SPATA24: variants seen among roughly 807,000 people sequenced by gnomAD.
SPATA24 encodes the protein spermatogenesis-associated protein 24.
Under a neutral mutation model 28.9 loss-of-function variants are expected in SPATA24, and 21 were observed. The observed-to-expected ratio is 0.73, with a 90% CI of 0.52 to 1.05. The LOEUF is 1.05. SPATA24 is among the 50% of genes least tolerant of loss of function. The pLI is 0.00. For missense variants in SPATA24, 215 were observed against 242.9 expected (o/e 0.88, Z 0.76); for synonymous variants, 76 against 89.9 (o/e 0.85, Z 0.88).
downstream of SPATA24, chr5:139,395,152 C>G (rs771057901): frequency 7.4e-7 from 1 of 1,345,980 alleles, no homozygotes; most frequent in Middle Eastern, 2.8e-4. Flanking sequence ...CTGTCCCCGC[C>G]CCGCCCGAGG....
chr5:139,393,800 G>A, downstream of SPATA24: 1 of 1,551,318 alleles, frequency 6.4e-7, no homozygotes. Context: ...GGGAACAATG[G>A]GCTACTCACC....
At chr5:139,396,290 T>A (rs6596478), downstream of SPATA24, 2 of 985,474 alleles carry the variant, frequency 2.0e-6, no homozygotes. Context: ...TTGTGCAAAT[T>A]GAGGTCCCTT....
downstream of SPATA24, chr5:139,396,372 G>C: frequency 2.0e-6 from 2 of 985,430 alleles, no homozygotes; most frequent in Non-Finnish European, 2.4e-6. Flanking sequence ...TGAAGCTCCC[G>C]TTTGGGGGAG....
At chr5:139,394,873 C>A, downstream of SPATA24, 1 of 1,520,728 alleles carries the variant, frequency 6.6e-7, no homozygotes, top group South Asian at 1.2e-5. Context: ...GACGGACAGG[C>A]GAGGCTGCGC....
chr5:139,395,209 A>G (rs1382905999), downstream of SPATA24: 2 of 964,884 alleles, frequency 2.1e-6, no homozygotes, highest in African/African-American at 3.5e-5. Context: ...TCCACTCCTG[A>G]GCCAGCGGCG....
downstream of SPATA24, chr5:139,394,043 C>T (rs1209116861): frequency 6.4e-7 from 1 of 1,550,808 alleles, no homozygotes; most frequent in Non-Finnish European, 8.7e-7. Context: ...ATCTTCTCCT[C>T]TGACTGAAGG....
intron 1 of SPATA24, 28 bp from the exon 2 acceptor site, chr5:139,402,721 C>T: frequency 6.5e-7 from 1 of 1,548,268 alleles, no homozygotes; most frequent in South Asian, 1.2e-5. Flanking sequence ...TGAGGGAGGG[C>T]CTGGGGCTGG....
At chr5:139,394,372 A>C (rs866999509), downstream of SPATA24, 6 of 1,412,730 alleles carry the variant, frequency 4.2e-6, no homozygotes, top group Middle Eastern at 1.3e-3. Flanking sequence ...CGACTCGTCC[A>C]GGGAACCGGT....
chr5:139,392,635 G>A, downstream of SPATA24: 1 of 1,385,928 alleles, frequency 7.2e-7, no homozygotes, highest in Non-Finnish European at 9.3e-7. The surrounding 1 kb of genome is among the most constrained non-coding windows in gnomAD (Gnocchi z 5.8). Flanking sequence ...CTTCGGTTTG[G>A]GTGCTATCCC....
At chr5:139,394,931 T>C (rs2152077182), downstream of SPATA24, 2 of 1,520,294 alleles carry the variant, frequency 1.3e-6, no homozygotes, top group Non-Finnish European at 8.8e-7. Flanking sequence ...GCTGGGCCTT[T>C]CGCGTCCGGC....
downstream of SPATA24, chr5:139,395,164 TGCCGTGGGGGTCACC>T (rs1215608534): frequency 1.5e-6 from 2 of 1,309,662 alleles, no homozygotes; most frequent in Admixed American, 7.9e-5. Context: ...CGCCCGAGGA[TGCCGTGGGGGTCACC>T]GCGCCTTAAA....
chr5:139,401,780 C>A lies in SPATA24; in HGVS notation c.360G>T (p.Lys120Asn). 2 of 1,551,636 alleles carry A rather than the reference C, an allele frequency of 1.3e-6. No homozygotes were observed. The highest frequency in any genetic ancestry group is 8.7e-7 in the Non-Finnish European group (1 of 1,147,000). The change falls in exon 4 of 6, where the codon AAG becomes AAT. Residue 120 changes from lysine (K) to asparagine (N), a missense_variant. Coordinates refer to ENST00000450845, the MANE Select transcript of SPATA24 (RefSeq NM_194296.2). ...CATTGCACTTGGTGATGAGCTGGTC[C>A]TTCTTGCTGGACTCCTGAAGGACTT... ...KSKVLQESSK[K>N]DQLITKCNEI...
In SPATA24 at chr5:139,404,018, C is replaced by T. The variant is rs201105749; in HGVS notation, c.43G>A (p.Val15Met). 1.7e-4 allele frequency: 267 copies of T among 1,551,852 alleles called. No homozygotes were observed. Among genetic ancestry groups the T allele is most frequent in the Middle Eastern group, 1.7e-4 (1 of 6,016 alleles). Residue 15 changes from valine (V) to methionine (M), a missense_variant, in exon 1 of 6, where the codon GTG (valine) becomes ATG (methionine). By Grantham distance (21) the Val-to-Met change is conservative. Transcript: ENST00000450845. ...CGCAGTTGATCTAAAGCGAGACACA[C>T]AGATCCTGACCCCGCCTTCGACCAC... The part of the protein sequence containing the change: ...LGWSKAGSGS[V>M]CLALDQLRDV...
chr5:139,393,484 A>G, downstream of SPATA24: 2 of 1,551,570 alleles, frequency 1.3e-6, no homozygotes, highest in Non-Finnish European at 1.7e-6. Context: ...TTCCTGAGTA[A>G]ATGCTATCGA....
downstream of SPATA24, chr5:139,394,406 G>C: frequency 2.2e-6 from 3 of 1,389,554 alleles, no homozygotes; most frequent in Non-Finnish European, 2.8e-6. Flanking sequence ...CGGGGGCGCG[G>C]CGCGCCGGCC....
downstream of SPATA24, chr5:139,394,759 G>C: frequency 6.5e-7 from 1 of 1,533,124 alleles, no homozygotes; most frequent in Non-Finnish European, 8.8e-7. Flanking sequence ...CATCTCCCCC[G>C]ACGGCAGCGT....
At chr5:139,395,500 C>CA (rs778365041), downstream of SPATA24, 4 of 174,930 alleles carry the variant, frequency 2.3e-5, no homozygotes, top group Non-Finnish European at 4.8e-5. Context: ...ACCAGACCTT[C>CA]AGGCCAGGAG....
At chr5:139,393,940 G>A (rs1339027467), downstream of SPATA24, 1 of 1,550,846 alleles carries the variant, frequency 6.4e-7, no homozygotes, top group Admixed American at 2.0e-5. Context: ...CGGAACCTCC[G>A]AGGGGATCCT....
At chr5:139,394,628 C>T (rs1439986698), downstream of SPATA24, 8 of 1,533,808 alleles carry the variant, frequency 5.2e-6, no homozygotes, top group Non-Finnish European at 7.0e-6. Flanking sequence ...GGGACCGCGG[C>T]GGGAGACGCT....
Sources: gnomAD v4.1 joint callset for allele counts on GRCh38, gnomAD v4.1.1 for gene constraint, Gnocchi (gnomAD v3.1) non-coding constraint, MANE v1.5 for transcripts, NCBI Gene and HGNC (gene_info 2026-07-23, HGNC 2026-07-21) for gene names.